BMPR1B: variants seen among roughly 807,000 people sequenced by gnomAD.
The protein encoded by BMPR1B is bone morphogenetic protein receptor type 1B.
In BMPR1B, 12 loss-of-function variants were observed where a neutral mutation model predicts 59.1. The observed-to-expected ratio is 0.20, with a 90% CI of 0.13 to 0.33. BMPR1B has a LOEUF of 0.33. Among genes scored for constraint, BMPR1B ranks in the 10% least tolerant of loss-of-function variants. BMPR1B has a pLI of 1.00. For missense variants in BMPR1B, 550 were observed against 610.9 expected, an observed-to-expected ratio of 0.90 and a Z score of 1.05; for synonymous variants, 237 against 207.3, an observed-to-expected ratio of 1.14 and a Z score of -1.23.
intron 2 of BMPR1B, among the ~76,000 whole-genome samples, chr4:94,966,873 C>A (rs1433402007): frequency 6.6e-6 from 1 of 152,026 alleles, no homozygotes; most frequent in Non-Finnish European, 1.5e-5. Context: ...GGAAAATTTT[C>A]ATTAACACAA....
Position 94,874,917 on chromosome 4 carries a change from C to T in BMPR1B, c.-182-914C>T, listed in dbSNP as rs921410812. On this transcript the variant is annotated intron_variant, in intron 1 of 12. Transcript: ENST00000515059. ...CTGAGGCAGGAGAATGGCGTGAACC[C>T]GGGAGGCAGAGCTTGCAGTGAGCCG... Among the ~76,000 whole-genome samples, 74 of 151,996 alleles carry T rather than the reference C, an allele frequency of 4.9e-4. 1 individual carries two copies. Among genetic ancestry groups the T allele is most frequent in the Non-Finnish European group, 2.8e-4 (19 of 67,996 alleles).
At chr4:94,917,509 G>A (rs1352730654) in intron 2 of BMPR1B, among the ~76,000 whole-genome samples, 1 of 152,184 alleles carries the variant, frequency 6.6e-6, no homozygotes, top group Non-Finnish European at 1.5e-5. Flanking sequence ...AAGATTTAAC[G>A]ACTGCCCTGC....
chr4:95,154,961 C>CT lies in BMPR1B; in HGVS notation c.*288_*289insT, dbSNP rs1208375685. 2.0e-5 allele frequency: 7 copies of CT among 342,012 alleles called. No homozygotes were observed. Among genetic ancestry groups the CT allele is most frequent in the African/African-American group, 6.5e-5 (3 of 45,948 alleles). The allele number at this position is 342,012 out of a possible 1,614,324, so 21.2% of individuals were successfully genotyped here. A position where few individuals can be genotyped will look rare whatever the true frequency, so the allele number is the denominator to read the frequency against. Reference sequence around the variant, plus strand: ...AAGAAAGCCCTGTATTTTGTGATTGCCTTTTTTTTTTTTTAAGATGCTTTC... The same window carrying CT: ...AAGAAAGCCCTGTATTTTGTGATTGCTCTTTTTTTTTTTTTAAGATGCTTTC... On this transcript the variant is annotated 3_prime_UTR_variant, in exon 13 of 13. Transcript: ENST00000515059.
chr4:95,065,375 T>G (rs188088847), intron 3 of BMPR1B, among the ~76,000 whole-genome samples: 47 of 152,322 alleles, frequency 3.1e-4, no homozygotes, highest in African/African-American at 1.1e-3. Flanking sequence ...CATTTGATGG[T>G]TGCATAACTC....
Position 95,005,783 on chromosome 4 carries a change from ACT to A in BMPR1B, c.-18+9652_-18+9653del, listed in dbSNP as rs1319609097. 1.1e-4 allele frequency among the ~76,000 whole-genome samples: 16 copies of A among 149,440 alleles called. No homozygotes were observed. In the East Asian group the frequency reaches 2.7e-3, roughly 26 times the overall value. On this transcript the variant is annotated intron_variant, in intron 3 of 12. Coordinates refer to ENST00000515059, the MANE Select transcript of BMPR1B (RefSeq NM_001203.3). Reference sequence around the variant, plus strand: ...GTCTATTGCCCAATTATGTTAGAAAACTCTTTTTGTGTGTGTGCATTTTGAAG... The same window carrying A: ...GTCTATTGCCCAATTATGTTAGAAAACTTTTTGTGTGTGTGCATTTTGAAG...
chr4:94,773,700 G>A (rs1331907086), intron 1 of BMPR1B, among the ~76,000 whole-genome samples: 1 of 152,012 alleles, frequency 6.6e-6, no homozygotes, highest in Admixed American at 6.6e-5. Flanking sequence ...CGCAGAGGTT[G>A]CCAGCAACAT....
intron 8 of BMPR1B, among the ~76,000 whole-genome samples, chr4:95,128,575 TTGTC>T (rs1193221201): frequency 6.6e-5 from 10 of 152,174 alleles, no homozygotes; most frequent in African/African-American, 2.2e-4. Context: ...TTCATTCTCT[TTGTC>T]TGTACTCCAC....
At chr4:94,959,376 T>G (rs1397052328) in intron 2 of BMPR1B, among the ~76,000 whole-genome samples, 2 of 152,166 alleles carry the variant, frequency 1.3e-5, no homozygotes, top group African/African-American at 4.8e-5. Context: ...GTTCAAATTA[T>G]TCCCACCTCA....
In BMPR1B at chr4:94,934,452, G is replaced by GTTTTT. The variant is rs1257149645; in HGVS notation, c.-113+58552_-113+58553insTTTTT. Among the ~76,000 whole-genome samples, 31 of 69,682 alleles carry GTTTTT rather than the reference G, an allele frequency of 4.4e-4. No homozygotes were observed. In the South Asian group the frequency reaches 0.013, roughly 29 times the overall value. The allele number at this position is 69,682 out of a possible 152,430, so 45.7% of individuals were successfully genotyped here. A position where few individuals can be genotyped will look rare whatever the true frequency, so the allele number is the denominator to read the frequency against. ...GTCAGTGGGAACTTTTCCCAGCTAT[G>GTTTTT]GTTTTTTTTTTTTTTTTTTCTCCTC... is the stretch of plus-strand genomic sequence containing the variant. On this transcript the variant is annotated intron_variant, in intron 2 of 12. Transcript: ENST00000515059.
At chr4:95,077,454 T>C (rs559045194) in intron 3 of BMPR1B, among the ~76,000 whole-genome samples, 98 of 152,276 alleles carry the variant, frequency 6.4e-4, no homozygotes, top group African/African-American at 2.3e-3. Flanking sequence ...CTCAGTAGTT[T>C]TCCTTCATTC....
chr4:95,136,437 G>A lies in BMPR1B; in HGVS notation c.1076+4925G>A, dbSNP rs772445376. ...ATGCTGGCCTCATAAAATGGGTTAG[G>A]GAGGATTCCCTCTCTTTCTGTTGAT... On this transcript the variant is annotated intron_variant, in intron 10 of 12. Transcript: ENST00000515059. 3.9e-5 allele frequency among the ~76,000 whole-genome samples: 6 copies of A among 152,294 alleles called. No individual in the cohort carries two copies. In the South Asian group the frequency reaches 1.2e-3, roughly 32 times the overall value.
chr4:95,138,868 C>G (rs535743353), intron 10 of BMPR1B, among the ~76,000 whole-genome samples: 1 of 152,144 alleles, frequency 6.6e-6, no homozygotes. Context: ...TCCTTTAGCT[C>G]GGAGAAGTTT....
intron 1 of BMPR1B, among the ~76,000 whole-genome samples, chr4:94,812,023 T>C (rs1350542000): frequency 6.6e-6 from 1 of 152,174 alleles, no homozygotes; most frequent in Non-Finnish European, 1.5e-5. Context: ...GTTGTAGAAA[T>C]GATAGAAACA....
chr4:94,994,086 T>C lies in BMPR1B; in HGVS notation c.-112-1954T>C, dbSNP rs182210741. On this transcript the variant is annotated intron_variant, in intron 2 of 12. Transcript: ENST00000515059. ...TACCACAGGTGAAAATTTGTATATG[T>C]CAATTTGGTAATGTGTAAATGGTTA... is the stretch of plus-strand genomic sequence containing the variant. Among the ~76,000 whole-genome samples, 29 of 152,330 alleles carry C rather than the reference T, an allele frequency of 1.9e-4. No homozygotes were observed. The East Asian group carries it at 5.0e-3, about 26-fold the overall frequency.
chr4:94,784,880 A>T (rs948924308), intron 1 of BMPR1B, among the ~76,000 whole-genome samples: 20 of 152,190 alleles, frequency 1.3e-4, no homozygotes, highest in African/African-American at 4.8e-4. Flanking sequence ...CCTCTTTGGT[A>T]CAGCCTTCCT....
At chr4:94,796,979 G>T (rs7677422) in intron 1 of BMPR1B, among the ~76,000 whole-genome samples, 47,788 of 152,080 alleles carry the variant, frequency 0.31, 8,115 homozygotes, top group African/African-American at 0.44. Context: ...ATACATATGT[G>T]TATTAGTCTG....
intron 2 of BMPR1B, among the ~76,000 whole-genome samples, chr4:94,912,791 C>G (rs945781461): frequency 2.0e-5 from 3 of 152,136 alleles, no homozygotes; most frequent in African/African-American, 7.2e-5. Flanking sequence ...GCACTTTTCT[C>G]TCTTCAGCTG....
chr4:94,817,745 G>C lies in BMPR1B; in HGVS notation c.-182-58086G>C, dbSNP rs542636171. Among the ~76,000 whole-genome samples, 256 of 152,266 alleles carry C rather than the reference G, an allele frequency of 1.7e-3. 2 individuals are homozygous for C. Among genetic ancestry groups the C allele is most frequent in the Non-Finnish European group, 1.6e-3 (106 of 68,030 alleles). ...CCCTATGCTTCAGGGTCAGGGTGTG[G>C]GAAGGGCGATGGTTTCCCCTAAGAA... On this transcript the variant is annotated intron_variant, in intron 1 of 12. Transcript: ENST00000515059.
intron 2 of BMPR1B, among the ~76,000 whole-genome samples, chr4:94,979,354 A>C (rs1342604972): frequency 6.6e-6 from 1 of 152,220 alleles, no homozygotes; most frequent in Non-Finnish European, 1.5e-5. Flanking sequence ...TTAAAAAAAA[A>C]CTTACACATA....
Sources: allele counts gnomAD v4.1 joint callset (sites outside exome capture counted in the v4.1 genomes callset), GRCh38; gene constraint gnomAD v4.1.1; transcripts MANE v1.5; gene names NCBI Gene and HGNC (gene_info 2026-07-23, HGNC 2026-07-21).